SPATA7: variants seen among roughly 807,000 people sequenced by gnomAD.
The protein encoded by SPATA7 is spermatogenesis associated 7, also known as spermatogenesis-associated protein 7.
SPATA7 carries 43 observed loss-of-function variants against 51.8 expected under a neutral mutation model. The observed-to-expected ratio is 0.83, with a 90% CI of 0.65 to 1.07. SPATA7 has a LOEUF of 1.07. Ranked by LOEUF, SPATA7 falls within the 50% of genes least tolerant of loss-of-function variation. The probability of loss-of-function intolerance (pLI) is 0.00; values close to 1 mark genes in which losing one functional copy is unlikely to be tolerated. For synonymous variants in SPATA7, 230 were observed against 252.8 expected (o/e 0.91, Z 0.86); for missense variants, 683 against 701.3 (o/e 0.97, Z 0.30).
chr14:88,418,486 G>GT (rs1191064480), intron 5 of SPATA7, among the ~76,000 whole-genome samples: 3 of 152,056 alleles, frequency 2.0e-5, no homozygotes, highest in East Asian at 3.9e-4. Context: ...TTTTTGTTTT[G>GT]TTTTTTGAGA....
chr14:88,433,164 T>G lies in SPATA7; in HGVS notation c.1112T>G (p.Ile371Ser), dbSNP rs150364664. ...DEEELLYLSF[I>S]EDVTDEILKL... ...GAAGAACTGTTGTATCTGAGTTTCA[T>G]TGAAGATGTAACAGATGAAATTTTG... The change falls in exon 10 of 12, where the codon ATT (isoleucine) becomes AGT (serine). Residue 371 changes from isoleucine (I) to serine (S), a missense_variant. By Grantham distance (142) the Ile-to-Ser change is moderately radical (BLOSUM62 -2). Coordinates refer to ENST00000393545, the MANE Select transcript of SPATA7 (RefSeq NM_018418.5). 1 of 1,611,840 alleles carries G rather than the reference T, an allele frequency of 6.2e-7. No individual in the cohort carries two copies. Among genetic ancestry groups the G allele is most frequent in the African/African-American group, 1.3e-5 (1 of 74,910 alleles).
chr14:88,435,800 T>C (rs1036254621), intron 10 of SPATA7, among the ~76,000 whole-genome samples: 6 of 152,198 alleles, frequency 3.9e-5, no homozygotes, highest in African/African-American at 9.7e-5. Flanking sequence ...ATGGTGTATA[T>C]GTACTACGTT....
At chr14:88,427,771 C>G in intron 7 of SPATA7, 75 bp downstream of exon 7, 2 of 1,041,362 alleles carry the variant, frequency 1.9e-6, no homozygotes, top group Non-Finnish European at 3.0e-6. Context: ...ATATGTACAG[C>G]TATTTAGACT....
downstream of SPATA7, chr14:88,438,529 TAA>T (rs2077154528): frequency 1.1e-6 from 1 of 947,018 alleles, no homozygotes; most frequent in Admixed American, 2.0e-5. Context: ...GCTGCAATAA[TAA>T]GTTACCAGAA....
intron 4 of SPATA7, among the ~76,000 whole-genome samples, chr14:88,464,684 C>A (rs1405584602): frequency 1.3e-5 from 2 of 151,988 alleles, no homozygotes; most frequent in African/African-American, 4.8e-5. Context: ...AAGCCGAGAT[C>A]GTGCCACTGC....
intron 7 of SPATA7, chr14:88,428,694 T>C (rs1443219834): frequency 6.6e-6 from 1 of 152,222 alleles, no homozygotes; most frequent in East Asian, 1.9e-4. Flanking sequence ...TTATTTACAA[T>C]CCTGCAAGAA....
chr14:88,429,488 T>C (rs1487410726), intron 8 of SPATA7, 25 bp downstream of exon 8: 4 of 1,463,924 alleles, frequency 2.7e-6, no homozygotes, highest in Non-Finnish European at 3.8e-6. Context: ...GGAGAAATAA[T>C]TTCAACTGTC....
exon 5 of SPATA7, chr14:88,470,195 G>A (rs969481203): frequency 2.8e-6 from 2 of 714,044 alleles, no homozygotes; most frequent in Admixed American, 3.0e-5. Context: ...AGCAGAATAA[G>A]GAAAGACTTT....
chr14:88,405,113 A>G (rs918890641), intron 4 of SPATA7, among the ~76,000 whole-genome samples: 2 of 152,198 alleles, frequency 1.3e-5, no homozygotes, highest in East Asian at 3.9e-4. Context: ...TCTGGGGAAA[A>G]AGCAATCCAG....
chr14:88,461,069 A>T lies in SPATA7; in HGVS notation c.255-8778A>T, dbSNP rs562657691. Among the ~76,000 whole-genome samples the T allele has an allele frequency of 2.0e-3, 302 of 152,276 alleles. 1 individual carries two copies. Among genetic ancestry groups the T allele is most frequent in the African/African-American group, 6.9e-3 (285 of 41,560 alleles). ...GTTGCTGCCTGATCGTTCCTCTGGA[A>T]GCTTCATCTCAGAGGGGCACCTGGC... On this transcript the variant is annotated intron_variant, in intron 4 of 4. Coordinates refer to the SPATA7 transcript ENST00000556406.
In SPATA7 at chr14:88,450,363, T is replaced by G. The variant is rs1653178825; in HGVS notation, c.178-4697T>G. On this transcript the variant is annotated intron_variant, in intron 3 of 3. Transcript: ENST00000554802. ...CTATTTGTTGCCTGAATACCTTAGG[T>G]TTTTTTTTCATTGTGTTAAAATGAA... Among the ~76,000 whole-genome samples the G allele has an allele frequency of 2.6e-5, 4 of 151,516 alleles. No individual in the cohort carries two copies. In the South Asian group the frequency reaches 8.4e-4, roughly 32 times the overall value.
At chr14:88,395,642 T>A (rs1417521973) in intron 3 of SPATA7, among the ~76,000 whole-genome samples, 2 of 152,124 alleles carry the variant, frequency 1.3e-5, no homozygotes, top group East Asian at 1.9e-4. Context: ...TGCCTCTTCA[T>A]ATCCAAATTT....
At chr14:88,399,460 C>A (rs1171110314) in intron 4 of SPATA7, among the ~76,000 whole-genome samples, 1 of 152,166 alleles carries the variant, frequency 6.6e-6, no homozygotes, top group African/African-American at 2.4e-5. Flanking sequence ...TTTTTAAAGA[C>A]CAGTTTGGTC....
downstream of SPATA7, among the ~76,000 whole-genome samples, chr14:88,439,810 C>T (rs528235833): frequency 2.0e-5 from 3 of 152,276 alleles, no homozygotes; most frequent in East Asian, 5.8e-4. Flanking sequence ...TATGGTGGGA[C>T]TGAGCACCCA....
intron 4 of SPATA7, chr14:88,465,980 ATTTG>A (rs1391764352): frequency 1.3e-5 from 2 of 150,428 alleles, no homozygotes; most frequent in Non-Finnish European, 2.9e-5. Flanking sequence ...CTTTAATTAG[ATTTG>A]TTTTACAATA....
At chr14:88,425,444 T>C (rs2076762524) in intron 5 of SPATA7, among the ~76,000 whole-genome samples, 1 of 152,128 alleles carries the variant, frequency 6.6e-6, no homozygotes, top group Non-Finnish European at 1.5e-5. Context: ...CTCTACCTAA[T>C]GAAAGTGCCT....
At chr14:88,416,668 T>G in intron 4 of SPATA7, 43 bp from the exon 5 acceptor site, 3 of 1,605,956 alleles carry the variant, frequency 1.9e-6, no homozygotes, top group Non-Finnish European at 2.6e-6. Context: ...AAACCAATTT[T>G]CTATTTTGTT....
Position 88,426,312 on chromosome 14 carries a change from AC to A in SPATA7, c.456del (p.Ser153LeufsTer7). The A allele has an allele frequency of 6.2e-7, 1 of 1,614,026 alleles. No homozygotes were observed. Among genetic ancestry groups the A allele is most frequent in the South Asian group, 1.1e-5 (1 of 91,074 alleles). ...GFSSFARSLV[P>X]SSERLHLSLH... Reference sequence around the variant, plus strand: ...TTTCATCCTTTGCAAGGTCACTAGTACCCTCTTCAGAGAGACTACACCTAAG... The same window carrying A: ...TTTCATCCTTTGCAAGGTCACTAGTACCTCTTCAGAGAGACTACACCTAAG... On this transcript the variant is annotated frameshift_variant, in exon 6 of 12. Coordinates refer to ENST00000393545, the MANE Select transcript of SPATA7 (RefSeq NM_018418.5). LOFTEE classifies it high-confidence loss of function.
rs1224076228 is a variant in SPATA7 at position 88,426,697 on chromosome 14, G to C, written c.838G>C (p.Glu280Gln). The C allele has an allele frequency of 2.5e-6, 4 of 1,611,494 alleles. No homozygotes were observed. The highest frequency in any genetic ancestry group is 8.5e-7 in the Non-Finnish European group (1 of 1,179,340). The change falls in exon 6 of 12, where the codon GAA (glutamate) becomes CAA (glutamine). Residue 280 changes from glutamate (E) to glutamine (Q), a missense_variant. By Grantham distance (29) the Glu-to-Gln change is conservative. Transcript: ENST00000393545. ...ACGGATAGAAGCTGAAACCCAGACTGAATTAAGGTATGACACATCAGCAAC... is the reference window on the plus strand; with the variant it reads ...ACGGATAGAAGCTGAAACCCAGACTCAATTAAGGTATGACACATCAGCAAC... Reference protein sequence around the residue: ...DQRIEAETQTELSFKSELGTA... With the variant: ...DQRIEAETQTQLSFKSELGTA...
Sources: allele counts gnomAD v4.1 joint callset (sites outside exome capture counted in the v4.1 genomes callset), GRCh38; gene constraint gnomAD v4.1.1; transcripts MANE v1.5; gene names NCBI Gene and HGNC (gene_info 2026-07-23, HGNC 2026-07-21).